Variants in CDH4 observed in about 807,000 individuals in gnomAD.
CDH4 encodes cadherin-4.
CDH4 carries 33 observed loss-of-function variants against 86.0 expected under a neutral mutation model. The observed-to-expected ratio is 0.38, with a 90% CI of 0.29 to 0.51. The LOEUF (loss-of-function observed/expected upper bound fraction) is 0.51. Among genes scored for constraint, CDH4 ranks in the 20% least tolerant of loss-of-function variants. CDH4 has a pLI of 0.86. For missense variants in CDH4, 1,114 were observed against 1,307.4 expected (o/e 0.85, Z 2.28); for synonymous variants, 555 against 549.4 (o/e 1.01, Z -0.14).
chr20:61,460,531 AG>A (rs1263854922), intron 2 of CDH4, among the ~76,000 whole-genome samples: 1 of 152,180 alleles, frequency 6.6e-6, no homozygotes, highest in Non-Finnish European at 1.5e-5. Context: ...TCATTTTACA[AG>A]GGTCCATGTT....
At chr20:61,690,691 C>A (rs1427314699) in intron 2 of CDH4, among the ~76,000 whole-genome samples, 1 of 152,114 alleles carries the variant, frequency 6.6e-6, no homozygotes, top group African/African-American at 2.4e-5. Flanking sequence ...AGGGCGGGGA[C>A]AACTCAAAGA....
In CDH4 at chr20:61,681,723, G is replaced by A. The variant is rs560104063; in HGVS notation, c.170-61840G>A. Among the ~76,000 whole-genome samples the A allele has an allele frequency of 2.6e-5, 4 of 152,328 alleles. No individual in the cohort carries two copies. The highest frequency in any genetic ancestry group is 3.9e-4 in the East Asian group (2 of 5,186). On this transcript the variant is annotated intron_variant, in intron 2 of 15. Coordinates refer to ENST00000614565, the MANE Select transcript of CDH4 (RefSeq NM_001794.5). This position sits in a 1 kb window ranked among gnomAD's most constrained non-coding sequence, Gnocchi z 4.5. The stretch of plus-strand genomic sequence containing the variant: ...TCGGGAAAGTCCGGGCTCAGTGCAT[G>A]TGGAGCTGCCACCCTAGAAAGCCCT...
intron 2 of CDH4, among the ~76,000 whole-genome samples, chr20:61,559,531 T>A (rs2086201343): frequency 7.1e-6 from 1 of 141,682 alleles, no homozygotes; most frequent in Admixed American, 7.0e-5. Context: ...TTTTTTTTTT[T>A]TTTTTTTGAC....
At chr20:61,294,554 G>C (rs1469190019) in intron 2 of CDH4, among the ~76,000 whole-genome samples, 1 of 152,230 alleles carries the variant, frequency 6.6e-6, no homozygotes, top group Non-Finnish European at 1.5e-5. Flanking sequence ...ACTGGCCCAC[G>C]GTCACCATCT....
chr20:61,723,626 C>T (rs569594193), intron 2 of CDH4, among the ~76,000 whole-genome samples: 115 of 152,324 alleles, frequency 7.5e-4, no homozygotes, highest in African/African-American at 2.6e-3. Context: ...GAAGTGAACG[C>T]ACCTGGGACA....
At chr20:61,704,461 C>T (rs929812877) in intron 2 of CDH4, among the ~76,000 whole-genome samples, 5 of 152,166 alleles carry the variant, frequency 3.3e-5, no homozygotes, top group Admixed American at 2.0e-4. Context: ...CAGCCCAAGT[C>T]AAGTTTTCTG....
At chr20:61,552,832 G>A (rs2086143947) in intron 2 of CDH4, among the ~76,000 whole-genome samples, 1 of 151,836 alleles carries the variant, frequency 6.6e-6, no homozygotes. Flanking sequence ...ATGCATTACT[G>A]GTGGGAATGT....
At chr20:61,474,713 A>T (rs1008738402) in intron 2 of CDH4, among the ~76,000 whole-genome samples, 3 of 151,396 alleles carry the variant, frequency 2.0e-5, no homozygotes, top group African/African-American at 7.3e-5. Context: ...CTTTTTTTTA[A>T]AAAAAAAATT....
chr20:61,841,565 C>T (rs1316177407), intron 4 of CDH4, among the ~76,000 whole-genome samples: 1 of 152,176 alleles, frequency 6.6e-6, no homozygotes, highest in Non-Finnish European at 1.5e-5. Flanking sequence ...GAGGCTTTTC[C>T]CATGGACCGC....
chr20:61,396,433 G>T (rs2085017545), intron 2 of CDH4, among the ~76,000 whole-genome samples: 2 of 152,198 alleles, frequency 1.3e-5, no homozygotes, highest in Non-Finnish European at 2.9e-5. Flanking sequence ...GACTTCCCAG[G>T]ATGCTGGCAG....
At chr20:61,673,081 G>A (rs2087408088) in intron 2 of CDH4, among the ~76,000 whole-genome samples, 1 of 152,162 alleles carries the variant, frequency 6.6e-6, no homozygotes, top group Non-Finnish European at 1.5e-5. Context: ...GACCAGGAGT[G>A]GGGATGCAGA....
chr20:61,858,672 G>A (rs1983180718), intron 6 of CDH4, among the ~76,000 whole-genome samples: 2 of 152,224 alleles, frequency 1.3e-5, no homozygotes, highest in African/African-American at 4.8e-5. Context: ...TCACAGCCGT[G>A]TGTTCCCTTT....
rs545647073 is a variant in CDH4 at position 61,288,809 on chromosome 20, A to AAGCAGGTTTG, written c.169+33873_169+33882dup. Among the ~76,000 whole-genome samples the AAGCAGGTTTG allele has an allele frequency of 2.3e-3, 350 of 152,300 alleles. 1 individual carries two copies. Among genetic ancestry groups the AAGCAGGTTTG allele is most frequent in the African/African-American group, 8.1e-3 (338 of 41,564 alleles). ...CAGGGCGGCCAAACAATAAAAATATAAGCAGGTTTGGCTTTTATCTGTGTT... is the reference window on the plus strand; with the variant it reads ...CAGGGCGGCCAAACAATAAAAATATAAGCAGGTTTGAGCAGGTTTGGCTTTTATCTGTGTT... On this transcript the variant is annotated intron_variant, in intron 2 of 15. Transcript: ENST00000614565.
At chr20:61,312,053 T>A (rs1265919510) in intron 2 of CDH4, among the ~76,000 whole-genome samples, 3 of 152,198 alleles carry the variant, frequency 2.0e-5, no homozygotes, top group Admixed American at 6.5e-5. Context: ...TGAGACTGCA[T>A]GTATTTGTGA....
intron 4 of CDH4, among the ~76,000 whole-genome samples, chr20:61,837,250 G>T (rs1442281695): frequency 6.6e-6 from 1 of 152,158 alleles, no homozygotes; most frequent in Non-Finnish European, 1.5e-5. Context: ...TTGTAGAGCT[G>T]GTGGGAGTGA....
In CDH4 at chr20:61,684,543, C is replaced by A. The variant is rs2087553340; in HGVS notation, c.170-59020C>A. Among the ~76,000 whole-genome samples, 1 of 152,208 alleles carries A rather than the reference C, an allele frequency of 6.6e-6. No homozygotes were observed. The highest frequency in any genetic ancestry group is 2.1e-4 in the South Asian group (1 of 4,828). ...CCATATCACACACAAGGTCCAGCCC[C>A]CTGTGTTGTTCTGCAGCTGGGAATC... On this transcript the variant is annotated intron_variant, in intron 2 of 15. Transcript: ENST00000614565. The surrounding 1 kb of genome is among the most constrained non-coding windows in gnomAD (Gnocchi z 4.5).
chr20:61,736,683 C>T lies in CDH4; in HGVS notation c.170-6880C>T, dbSNP rs570141358. ...AGAGGGAGAGAGAGGGAGAGAGGAGCAAGCTGCCCTTCTTCAGCTGTGCAT... is the reference window on the plus strand; with the variant it reads ...AGAGGGAGAGAGAGGGAGAGAGGAGTAAGCTGCCCTTCTTCAGCTGTGCAT... On this transcript the variant is annotated intron_variant, in intron 2 of 15. Coordinates refer to ENST00000614565, the MANE Select transcript of CDH4 (RefSeq NM_001794.5). Among the ~76,000 whole-genome samples the T allele has an allele frequency of 9.2e-5, 14 of 151,814 alleles. 1 individual carries two copies. In the South Asian group the frequency reaches 2.9e-3, roughly 32 times the overall value.
intron 2 of CDH4, among the ~76,000 whole-genome samples, chr20:61,600,459 G>A (rs1335845324): frequency 6.6e-6 from 1 of 152,234 alleles, no homozygotes; most frequent in Non-Finnish European, 1.5e-5. Flanking sequence ...TCTAGTGGCT[G>A]AGCCTGAGCC....
In CDH4 at chr20:61,411,558, G is replaced by A. The variant is rs186055900; in HGVS notation, c.169+156621G>A. On this transcript the variant is annotated intron_variant, in intron 2 of 15. Transcript: ENST00000614565. ...CTCAGCTGCTGGCTGGGCTGGGCAC[G>A]TGGTGCTGTCTGCTTCAGGGATGCC... 3.0e-4 allele frequency among the ~76,000 whole-genome samples: 46 copies of A among 152,100 alleles called. No individual in the cohort carries two copies. In the East Asian group the frequency reaches 8.8e-3, roughly 29 times the overall value.
Sources: gnomAD v4.1 joint callset for allele counts (sites outside exome capture counted in the v4.1 genomes callset) on GRCh38, gnomAD v4.1.1 for gene constraint, Gnocchi (gnomAD v3.1) non-coding constraint, MANE v1.5 for transcripts, NCBI Gene and HGNC (gene_info 2026-07-23, HGNC 2026-07-21) for gene names.